Variants in KCP observed in about 807,000 individuals in gnomAD.
KCP encodes kielin cysteine rich BMP regulator, also known as kielin/chordin-like protein.
KCP carries 194 observed loss-of-function variants against 212.7 expected under a neutral mutation model. The ratio of observed to expected loss-of-function variants is 0.91; its 90% CI spans 0.81 to 1.03. The LOEUF (loss-of-function observed/expected upper bound fraction) is 1.03, where lower values mean the gene tolerates loss of function less well. KCP is among the 50% of genes least tolerant of loss of function. The pLI, the probability that KCP is intolerant of heterozygous loss-of-function variation, is 0.00. For synonymous variants in KCP, 833 were observed against 865.3 expected (o/e 0.96, Z 0.65); for missense variants, 2,080 against 2,162.5 (o/e 0.96, Z 0.76).
At chr7:128,878,821 G>A in intron 37 of KCP, 99 bp from the exon 38 acceptor site, 1 of 1,222,972 alleles carries the variant, frequency 8.2e-7, no homozygotes, top group Non-Finnish European at 1.1e-6. Flanking sequence ...AGTGCGGCCA[G>A]TGCTGTAGGG....
Position 128,894,021 on chromosome 7 carries a change from C to T in KCP, c.960G>A (p.Gly320=), listed in dbSNP as rs1006143648. 24 of 1,549,996 alleles carry T rather than the reference C, an allele frequency of 1.5e-5. No homozygotes were observed. The highest frequency in any genetic ancestry group is 1.2e-4 in the Admixed American group (6 of 50,982). ...AGGGGTCCCCTGAGCCCACAGGCTC[C>T]CCGCTGCGGTGCTCCCGCCCGTTTA... ...CFLNGREHRS[G]EPVGSGDPCS... is the part of the protein sequence containing the mutation. The change falls in exon 10 of 40, where the codon GGG becomes GGA. Residue 320 remains glycine (G), a synonymous_variant. Transcript: ENST00000610776.
intron 8 of KCP, among the ~76,000 whole-genome samples, chr7:128,896,761 C>T (rs574952066): frequency 1.3e-5 from 2 of 152,114 alleles, no homozygotes; most frequent in South Asian, 4.2e-4. Context: ...CGTGGTGGCA[C>T]ACGCCTGTAG....
At chr7:128,891,378 G>A in intron 18 of KCP, 73 bp downstream of exon 18, 2 of 1,546,878 alleles carry the variant, frequency 1.3e-6, no homozygotes, top group Non-Finnish European at 1.7e-6. Flanking sequence ...CTCCCACCTG[G>A]GCGGGCCTCT....
intron 8 of KCP, among the ~76,000 whole-genome samples, chr7:128,901,657 C>G (rs1333729641): frequency 6.6e-6 from 1 of 152,066 alleles, no homozygotes; most frequent in African/African-American, 2.4e-5. Context: ...TTGCTTTCAC[C>G]TTTCTCTATG....
intron 8 of KCP, among the ~76,000 whole-genome samples, chr7:128,901,191 A>G (rs1007812447): frequency 1.3e-5 from 2 of 152,332 alleles, no homozygotes; most frequent in Admixed American, 1.3e-4. Context: ...GTTACCCTAT[A>G]TGGTCTAAAA....
At chr7:128,879,079 C>T (rs968669544) in intron 37 of KCP, 1 of 362,098 alleles carries the variant, frequency 2.8e-6, no homozygotes, top group Non-Finnish European at 5.1e-6. Flanking sequence ...CAATTAGGGT[C>T]CGGATTAGAA....
rs1290326639 is a variant in KCP, at chr7:128,885,198, C to G, written c.2939G>C (p.Cys980Ser). The change falls in exon 27 of 40, where the codon TGT (cysteine) becomes TCT (serine). Residue 980 changes from cysteine to serine, a missense_variant. By Grantham distance (112) the Cys-to-Ser change is moderately radical. Transcript: ENST00000610776. ...GGTGACGACGCCCTCGTGACACACA[C>G]AGGAGGAGCAGGCACTGTCGGGGGG... ...WVPPDSACSS[C>S]VCHEGVVTCA... 1.9e-6 allele frequency: 3 copies of G among 1,550,862 alleles called. No homozygotes were observed. The highest frequency in any genetic ancestry group is 1.4e-5 in the African/African-American group (1 of 73,172).
At chr7:128,888,388 CCA>C (rs888506820) in intron 22 of KCP, among the ~76,000 whole-genome samples, 1 of 126,032 alleles carries the variant, frequency 7.9e-6, no homozygotes. Context: ...ACACACACAG[CCA>C]CACACAGATA....
Position 128,902,768 on chromosome 7 carries a change from A to C in KCP, c.831+9T>G. The C allele has an allele frequency of 6.4e-7, 1 of 1,551,088 alleles. No individual in the cohort carries two copies. The highest frequency in any genetic ancestry group is 8.7e-7 in the Non-Finnish European group (1 of 1,146,598). On this transcript the variant is annotated intron_variant, in intron 8 of 39. Coordinates refer to ENST00000610776, the MANE Select transcript of KCP (RefSeq NM_001366122.1). Reference sequence around the variant, plus strand: ...AGGGGGACAGACCAGGAGCAGCCTCAGGACTCACCAGGCACCGGCAGATTC... The same window carrying C: ...AGGGGGACAGACCAGGAGCAGCCTCCGGACTCACCAGGCACCGGCAGATTC...
chr7:128,907,812 A>G (rs543259610), intron 2 of KCP, among the ~76,000 whole-genome samples: 58 of 152,296 alleles, frequency 3.8e-4, no homozygotes, highest in African/African-American at 1.3e-3. Context: ...GAGGTTCTTC[A>G]TTTGCATGAA....
chr7:128,901,972 C>T (rs572687176), intron 8 of KCP, among the ~76,000 whole-genome samples: 1 of 152,230 alleles, frequency 6.6e-6, no homozygotes, highest in African/African-American at 2.4e-5. Context: ...TAAACACCAC[C>T]CCACCCATGA....
At chr7:128,897,585 T>C (rs1412667359) in intron 8 of KCP, among the ~76,000 whole-genome samples, 2 of 152,236 alleles carry the variant, frequency 1.3e-5, no homozygotes, top group African/African-American at 4.8e-5. Context: ...AAGTAATCTT[T>C]GGGAAATAAG....
rs1332492979 is a variant in KCP at position 128,881,102 on chromosome 7, G to A, written c.3425-17C>T. On this transcript the variant is annotated splice_polypyrimidine_tract_variant and intron_variant, in intron 31 of 39. Transcript: ENST00000610776. ...CCACACATTCTGAGGGGGGAGACAT[G>A]GGATGGGCAGGCACTGTCCCTCCTG... 7.5e-6 allele frequency: 3 copies of A among 398,764 alleles called. No individual in the cohort carries two copies. Among genetic ancestry groups the A allele is most frequent in the Non-Finnish European group, 8.8e-6 (2 of 226,246 alleles). 24.7% of individuals were successfully genotyped at this position (398,764 alleles called of 1,614,324 possible).
At chr7:128,881,912 G>C in intron 30 of KCP, 25 bp downstream of exon 30, 11 of 1,547,036 alleles carry the variant, frequency 7.1e-6, no homozygotes, top group Non-Finnish European at 8.7e-6. Context: ...GGGGCTCTGT[G>C]AGTCCCCAAG....
intron 8 of KCP, among the ~76,000 whole-genome samples, chr7:128,896,849 C>A (rs572181254): frequency 6.9e-6 from 1 of 145,558 alleles, no homozygotes; most frequent in Non-Finnish European, 1.5e-5. Context: ...TGAGATGGCG[C>A]CATTTCACTC....
chr7:128,908,320 TA>T, intron 2 of KCP, 105 bp downstream of exon 2: 1 of 850,682 alleles, frequency 1.2e-6, no homozygotes. Flanking sequence ...ATTGTTCAGA[TA>T]AGAGCTCTAT....
intron 4 of KCP, 33 bp from the exon 5 acceptor site, chr7:128,906,396 A>G (rs1795121672): frequency 6.9e-7 from 1 of 1,446,190 alleles, no homozygotes. Context: ...CTGCACAGAC[A>G]TCAGATTCCT....
chr7:128,877,376 C>T lies in KCP; in HGVS notation c.4619-65G>A. On this transcript the variant is annotated intron_variant, in intron 39 of 39. Coordinates refer to ENST00000610776, the MANE Select transcript of KCP (RefSeq NM_001366122.1). ...AAACTGCCCCAGTTGCTGTGCGTAC[C>T]CCTGCGAGACTCGCCATACCCGGCC... is the stretch of plus-strand genomic sequence containing the variant. The T allele has an allele frequency of 2.6e-6, 4 of 1,527,148 alleles. No homozygotes were observed. The Admixed American group carries it at 6.3e-5, about 24-fold the overall frequency. The allele number at this position is 1,527,148 out of a possible 1,614,324, so 94.6% of individuals were successfully genotyped here. A position where few individuals can be genotyped will look rare whatever the true frequency, so the allele number is the denominator to read the frequency against.
At chr7:128,897,826 A>C (rs1336848279) in intron 8 of KCP, among the ~76,000 whole-genome samples, 1 of 152,210 alleles carries the variant, frequency 6.6e-6, no homozygotes, top group Non-Finnish European at 1.5e-5. Flanking sequence ...TATAAAGCAA[A>C]GAGATTTTAT....
Sources: gnomAD v4.1 joint callset for allele counts (sites outside exome capture counted in the v4.1 genomes callset) on GRCh38, gnomAD v4.1.1 for gene constraint, MANE v1.5 for transcripts, NCBI Gene and HGNC (gene_info 2026-07-23, HGNC 2026-07-21) for gene names.